The following ENTREP2 variants were observed in gnomAD, a reference collection of about 807,000 sequenced individuals.
The protein encoded by ENTREP2 is endosomal transmembrane epsin interactor 2.
chr15:29,236,038 C>T, the ENTREP2 span, among the ~76,000 whole-genome samples: 2 of 151,798 alleles, frequency 1.3e-5, no homozygotes, highest in Admixed American at 1.3e-4. Flanking sequence ...AAGTACAAAT[C>T]AATGAAATAA....
chr15:29,609,821 A>G, the ENTREP2 span: 4 of 150,584 alleles, frequency 2.7e-5, no homozygotes, highest in Non-Finnish European at 4.4e-5. Flanking sequence ...GAATAGTTCA[A>G]TAAGGATATG....
chr15:29,242,897 G>C, the ENTREP2 span, among the ~76,000 whole-genome samples: 1 of 152,234 alleles, frequency 6.6e-6, no homozygotes, highest in Admixed American at 6.5e-5. Flanking sequence ...CCAGCTGGGA[G>C]GAAGAACAGC....
chr15:29,578,501 G>A, the ENTREP2 span, among the ~76,000 whole-genome samples: 1 of 152,318 alleles, frequency 6.6e-6, no homozygotes, highest in African/African-American at 2.4e-5. Context: ...GGTTTAAAAT[G>A]TCTGTCTCAT....
the ENTREP2 span, among the ~76,000 whole-genome samples, chr15:29,139,479 T>C: frequency 7.9e-5 from 12 of 152,312 alleles, no homozygotes; most frequent in Non-Finnish European, 1.8e-4. Context: ...ATATTTTCAA[T>C]TAGTCTCTAT....
chr15:29,618,026 G>C, the ENTREP2 span, among the ~76,000 whole-genome samples: 1 of 152,188 alleles, frequency 6.6e-6, no homozygotes, highest in Non-Finnish European at 1.5e-5. Context: ...CTCTGTTTCT[G>C]TTTCCTAATT....
At chr15:29,221,736 T>C in the ENTREP2 span, among the ~76,000 whole-genome samples, 1 of 152,028 alleles carries the variant, frequency 6.6e-6, no homozygotes, top group African/African-American at 2.4e-5. Flanking sequence ...GTCATCAAAG[T>C]AGAGCTCCAC....
the ENTREP2 span, among the ~76,000 whole-genome samples, chr15:29,644,050 C>T: frequency 6.6e-6 from 1 of 152,086 alleles, no homozygotes; most frequent in Non-Finnish European, 1.5e-5. Flanking sequence ...TGTCCACCAA[C>T]TGATGTATGA....
At chr15:29,462,605 G>A in the ENTREP2 span, among the ~76,000 whole-genome samples, 2 of 149,560 alleles carry the variant, frequency 1.3e-5, no homozygotes, top group Non-Finnish European at 2.9e-5. Context: ...AGCGAAATTC[G>A]ATCTCAAAAC....
chr15:29,260,060 A>G, the ENTREP2 span, among the ~76,000 whole-genome samples: 2 of 152,204 alleles, frequency 1.3e-5, no homozygotes, highest in South Asian at 2.1e-4. Context: ...CAATATCTGT[A>G]TAACAAGGAA....
chr15:29,600,892 A>ATTTTTTTTTTTTTTTTTTTTT, the ENTREP2 span, among the ~76,000 whole-genome samples: 6 of 97,906 alleles, frequency 6.1e-5, no homozygotes, highest in Admixed American at 9.8e-5. Context: ...GGAAAATATG[A>ATTTTTTTTTTTTTTTTTTTTT]TTTTTCTTTC....
the ENTREP2 span, among the ~76,000 whole-genome samples, chr15:29,445,217 A>AAT: frequency 6.6e-6 from 1 of 152,170 alleles, no homozygotes; most frequent in Admixed American, 6.5e-5. Context: ...TACAAGAAGA[A>AAT]ATATATATCT....
At chr15:29,509,711 T>A in the ENTREP2 span, among the ~76,000 whole-genome samples, 1 of 152,150 alleles carries the variant, frequency 6.6e-6, no homozygotes, top group African/African-American at 2.4e-5. Context: ...TGCAGAAAAC[T>A]GAAACTGGAC....
the ENTREP2 span, among the ~76,000 whole-genome samples, chr15:29,522,102 C>T: frequency 6.6e-6 from 1 of 152,130 alleles, no homozygotes. Context: ...AACCTCAATC[C>T]ATATCTCATA....
the ENTREP2 span, among the ~76,000 whole-genome samples, chr15:29,664,712 C>T: frequency 1.4e-4 from 21 of 152,138 alleles, no homozygotes; most frequent in East Asian, 1.2e-3. Flanking sequence ...GACTGGTCCT[C>T]GGCCAGTCTC....
chr15:29,234,085 T>A, the ENTREP2 span: 2 of 1,498,540 alleles, frequency 1.3e-6, no homozygotes, highest in African/African-American at 1.4e-5. Flanking sequence ...CTTCGAACCG[T>A]CTTGATAACA....
chr15:29,574,619 G>A, the ENTREP2 span, among the ~76,000 whole-genome samples: 1 of 152,192 alleles, frequency 6.6e-6, no homozygotes, highest in Non-Finnish European at 1.5e-5. Context: ...AGCAAAGCAT[G>A]ACAAGGTGGC....
chr15:29,294,561 G>A, the ENTREP2 span, among the ~76,000 whole-genome samples: 5 of 152,160 alleles, frequency 3.3e-5, no homozygotes, highest in East Asian at 3.9e-4. Flanking sequence ...CAAAAAAGGA[G>A]ACATTCACAC....
At chr15:29,223,680 T>C in the ENTREP2 span, among the ~76,000 whole-genome samples, 14 of 152,124 alleles carry the variant, frequency 9.2e-5, no homozygotes, top group South Asian at 1.7e-3. Context: ...GCGGGCCCAG[T>C]AGAACTCCTG....
At chr15:29,323,573 GA>G in the ENTREP2 span, among the ~76,000 whole-genome samples, 8 of 152,110 alleles carry the variant, frequency 5.3e-5, no homozygotes, top group African/African-American at 1.9e-4. Context: ...AACCCAAAGA[GA>G]AGGCTGTGGG....
Sources: gnomAD v4.1 joint callset for allele counts (sites outside exome capture counted in the v4.1 genomes callset) on GRCh38, gnomAD v4.1.1 for gene constraint, MANE v1.5 for transcripts, NCBI Gene and HGNC (gene_info 2026-07-23, HGNC 2026-07-21) for gene names.